GP6: variants seen among roughly 807,000 people sequenced by gnomAD.
GP6 encodes platelet glycoprotein VI.
In GP6, 45 loss-of-function variants were observed where a neutral mutation model predicts 37.3. That is an observed-to-expected ratio of 1.21 (90% CI 0.95 to 1.55). The LOEUF (loss-of-function observed/expected upper bound fraction) is 1.55. GP6 is among the 40% of genes most tolerant of loss of function. The pLI, the probability that GP6 is intolerant of heterozygous loss-of-function variation, is 0.00. For synonymous variants in GP6, 340 were observed against 316.4 expected (o/e 1.07, Z -0.79); for missense variants, 813 against 760.2 (o/e 1.07, Z -0.82).
intron 4 of GP6, among the ~76,000 whole-genome samples, chr19:55,025,999 CCA>C (rs1491462003): frequency 1.4e-3 from 25 of 17,932 alleles, no homozygotes; most frequent in African/African-American, 3.4e-3. Flanking sequence ...GAGACTCCCC[CCA>C]AAAAAAAAAA....
chr19:55,026,846 A>T (rs2074323381), intron 4 of GP6, among the ~76,000 whole-genome samples: 1 of 151,586 alleles, frequency 6.6e-6, no homozygotes, highest in African/African-American at 2.4e-5. Context: ...AGATCGCGCC[A>T]CTGCACTCCA....
intron 5 of GP6, among the ~76,000 whole-genome samples, chr19:55,023,244 A>C (rs947161626): frequency 1.3e-5 from 2 of 152,218 alleles, no homozygotes; most frequent in Non-Finnish European, 2.9e-5. Flanking sequence ...GACAAAAACA[A>C]GCAATGGGGA....
intron 3 of GP6, among the ~76,000 whole-genome samples, chr19:55,030,231 T>C (rs1373924614): frequency 6.6e-6 from 1 of 152,152 alleles, no homozygotes; most frequent in East Asian, 1.9e-4. Flanking sequence ...GCACCTATAG[T>C]CCCAGCTACT....
chr19:55,038,054 C>G, intron 1 of GP6, 149 bp downstream of exon 1: 2 of 728,116 alleles, frequency 2.7e-6, no homozygotes, highest in Non-Finnish European at 5.0e-6. Flanking sequence ...CTCGCTGGCC[C>G]CCCGTTTCCC....
chr19:55,033,427 C>T (rs1480348546), intron 1 of GP6, among the ~76,000 whole-genome samples: 3 of 122,366 alleles, frequency 2.5e-5, no homozygotes, highest in South Asian at 2.6e-4. Flanking sequence ...TCGTGTTAGA[C>T]GCGGTGGGCT....
chr19:55,016,866 G>A (rs1321776110), intron 6 of GP6, among the ~76,000 whole-genome samples: 2 of 151,608 alleles, frequency 1.3e-5, no homozygotes, highest in East Asian at 2.0e-4. Flanking sequence ...GACCATCCTG[G>A]CCAACATGGT....
In GP6 at chr19:55,014,225, C is replaced by A. The variant is rs1007110813; in HGVS notation, c.1720G>T (p.Gly574Trp). The change falls in exon 8 of 8, where the codon GGG becomes TGG. Residue 574 changes from glycine (G) to tryptophan (W), a missense_variant. Physicochemically the swap from Gly to Trp is radical, Grantham distance 184. Transcript: ENST00000310373. ...CTCAAGCCATTCTCCCACCTCAGCCCCCTGAGTTGCTGGGAGTATAGGGAT... is the reference window on the plus strand; with the variant it reads ...CTCAAGCCATTCTCCCACCTCAGCCACCTGAGTTGCTGGGAGTATAGGGAT... The A allele has an allele frequency of 1.2e-6, 1 of 818,396 alleles. No homozygotes were observed. Among genetic ancestry groups the A allele is most frequent in the Non-Finnish European group, 2.1e-6 (1 of 475,364 alleles). 50.7% of individuals were successfully genotyped at this position (818,396 alleles called of 1,614,324 possible). A position where few individuals can be genotyped will look rare whatever the true frequency, so the allele number is the denominator to read the frequency against.
chr19:55,021,500 T>C (rs2074081586), intron 5 of GP6, among the ~76,000 whole-genome samples: 1 of 151,068 alleles, frequency 6.6e-6, no homozygotes, highest in Non-Finnish European at 1.5e-5. Context: ...CCAGCACCTG[T>C]TGTTTCTTGA....
At chr19:55,018,419 C>T (rs567941830) in intron 6 of GP6, among the ~76,000 whole-genome samples, 155 of 152,328 alleles carry the variant, frequency 1.0e-3, no homozygotes, top group African/African-American at 3.4e-3. Flanking sequence ...GCGGTCGTCC[C>T]GCCACAGCCT....
Position 55,014,213 on chromosome 19 carries a change from C to T in GP6, c.1732G>A (p.Glu578Lys). 3 of 772,274 alleles carry T rather than the reference C, an allele frequency of 3.9e-6. No individual in the cohort carries two copies. The highest frequency in any genetic ancestry group is 6.9e-6 in the Non-Finnish European group (3 of 437,926). 47.8% of individuals were successfully genotyped at this position (772,274 alleles called of 1,614,324 possible). Residue 578 changes from glutamate (E) to lysine (K), a missense_variant, in exon 8 of 8, where the codon GAG (glutamate) becomes AAG (lysine). Coordinates refer to ENST00000310373, the MANE Select transcript of GP6 (RefSeq NM_001083899.2). ...CTGCCTCCCAGGCTCAAGCCATTCT[C>T]CCACCTCAGCCCCCTGAGTTGCTGG... is the stretch of plus-strand genomic sequence containing the variant.
Position 55,027,708 on chromosome 19 carries a change from C to G in GP6, c.480G>C (p.Trp160Cys). The stretch of plus-strand genomic sequence containing the variant: ...TGATGATGGGAAAACTAGCCCTGTA[C>G]CATCTCTCGGGATTCTTGTAGGGCG... The change falls in exon 4 of 8, where the codon TGG (tryptophan) becomes TGC (cysteine). Residue 160 changes from tryptophan to cysteine, a missense_variant. Transcript: ENST00000310373. 1 of 1,613,274 alleles carries G rather than the reference C, an allele frequency of 6.2e-7. No individual in the cohort carries two copies. Among genetic ancestry groups the G allele is most frequent in the South Asian group, 1.1e-5 (1 of 91,064 alleles).
At position 55,014,735 on chromosome 19, in the gene GP6, GCAGA is replaced by G. The variant is rs768134535; in HGVS notation, c.1206_1209del (p.Pro404SerfsTer3). ...ATGGAGGGTGCCCTCAGACAGAGAGGCAGACAGACAGACAGACACTGGCCGAACG... is the reference window on the plus strand; with the variant it reads ...ATGGAGGGTGCCCTCAGACAGAGAGGCAGACAGACAGACACTGGCCGAACG... On this transcript the variant is annotated frameshift_variant, in exon 8 of 8. Coordinates refer to ENST00000310373, the MANE Select transcript of GP6 (RefSeq NM_001083899.2). LOFTEE classifies it low-confidence loss of function (END_TRUNC). 35 of 1,613,264 alleles carry G rather than the reference GCAGA, an allele frequency of 2.2e-5. 1 individual carries two copies. The highest frequency in any genetic ancestry group is 1.6e-4 in the Middle Eastern group (1 of 6,084).
chr19:55,036,660 C>T (rs1294512468), intron 1 of GP6, among the ~76,000 whole-genome samples: 1 of 152,136 alleles, frequency 6.6e-6, no homozygotes, highest in Non-Finnish European at 1.5e-5. Flanking sequence ...GATCATGCCA[C>T]TGCCCTCCTG....
chr19:55,028,518 G>T (rs1175914946), intron 3 of GP6, among the ~76,000 whole-genome samples: 1 of 152,154 alleles, frequency 6.6e-6, no homozygotes, highest in East Asian at 1.9e-4. Flanking sequence ...ACACAAAAAA[G>T]TTAACTGTGT....
intron 6 of GP6, among the ~76,000 whole-genome samples, chr19:55,016,688 T>C (rs1490389866): frequency 6.6e-6 from 1 of 151,812 alleles, no homozygotes; most frequent in African/African-American, 2.4e-5. Context: ...GCTCTCTTAT[T>C]CCTCAAGTAT....
At chr19:55,020,337 A>G (rs1037818302) in intron 5 of GP6, among the ~76,000 whole-genome samples, 3 of 151,666 alleles carry the variant, frequency 2.0e-5, no homozygotes, top group African/African-American at 7.3e-5. Context: ...ATTAAGCCCC[A>G]CACGCATCAG....
At chr19:55,019,742 A>G (rs1404595788) in intron 5 of GP6, among the ~76,000 whole-genome samples, 2 of 149,300 alleles carry the variant, frequency 1.3e-5, no homozygotes, top group African/African-American at 2.5e-5. Flanking sequence ...CAGTGGTGCA[A>G]TCTCGGCTCA....
intron 5 of GP6, 96 bp from the exon 6 acceptor site, chr19:55,018,807 C>G: frequency 1.2e-6 from 1 of 849,588 alleles, no homozygotes; most frequent in Non-Finnish European, 2.1e-6. Flanking sequence ...TCCCTGAAAC[C>G]CCTTTCTCTG....
intron 1 of GP6, among the ~76,000 whole-genome samples, chr19:55,033,254 C>T (rs1481504822): frequency 2.3e-5 from 2 of 87,320 alleles, no homozygotes; most frequent in Non-Finnish European, 2.1e-5. Flanking sequence ...TGGACTCGTT[C>T]GTGTTAGACA....
Sources: allele counts gnomAD v4.1 joint callset (sites outside exome capture counted in the v4.1 genomes callset), GRCh38; gene constraint gnomAD v4.1.1; transcripts MANE v1.5; gene names NCBI Gene and HGNC (gene_info 2026-07-23, HGNC 2026-07-21).